Variants in ARHGAP26 observed in about 807,000 individuals in gnomAD.
ARHGAP26 encodes Rho GTPase activating protein 26, also known as rho GTPase-activating protein 26.
In ARHGAP26, 38 loss-of-function variants were observed where a neutral mutation model predicts 104.8. That is an observed-to-expected ratio of 0.36 (90% CI 0.28 to 0.48). The LOEUF (loss-of-function observed/expected upper bound fraction) is 0.48, where lower values mean the gene tolerates loss of function less well. Ranked by LOEUF, ARHGAP26 falls within the 20% of genes least tolerant of loss-of-function variation. ARHGAP26 has a pLI of 0.99. For missense variants in ARHGAP26, 704 were observed against 947.9 expected (o/e 0.74, Z 3.38); for synonymous variants, 341 against 340.0 (o/e 1.00, Z -0.03).
chr5:143,164,708 T>C (rs1413348658), intron 20 of ARHGAP26, among the ~76,000 whole-genome samples: 1 of 152,226 alleles, frequency 6.6e-6, no homozygotes, highest in Non-Finnish European at 1.5e-5. Context: ...AATTGGAGCA[T>C]AGAGAGCGCT....
intron 10 of ARHGAP26, chr5:142,919,150 A>G (rs926507322): frequency 2.5e-6 from 1 of 398,172 alleles, no homozygotes. Flanking sequence ...GAGATAATCA[A>G]GTTAAAATGA....
intron 20 of ARHGAP26, among the ~76,000 whole-genome samples, chr5:143,171,165 C>T (rs964581745): frequency 3.3e-5 from 5 of 152,172 alleles, no homozygotes; most frequent in African/African-American, 4.8e-5. Flanking sequence ...AGGCACTAGC[C>T]TAGGGCTTTT....
At chr5:143,102,129 G>C (rs76071293) in intron 17 of ARHGAP26, among the ~76,000 whole-genome samples, 1,585 of 152,274 alleles carry the variant, frequency 0.01, 31 homozygotes, top group East Asian at 0.086. Flanking sequence ...GATATAGACA[G>C]CAGGACCGTG....
chr5:143,191,379 C>G (rs905430297), intron 20 of ARHGAP26, among the ~76,000 whole-genome samples: 1 of 152,032 alleles, frequency 6.6e-6, no homozygotes, highest in Non-Finnish European at 1.5e-5. Context: ...ATTGGCTCTT[C>G]CAAATAATTA....
chr5:142,983,856 A>G (rs1450809058), intron 11 of ARHGAP26, among the ~76,000 whole-genome samples: 1 of 152,214 alleles, frequency 6.6e-6, no homozygotes, highest in Non-Finnish European at 1.5e-5. Context: ...CTTTCCAGGT[A>G]TTGTACTTTA....
intron 11 of ARHGAP26, among the ~76,000 whole-genome samples, chr5:142,992,348 A>G (rs1167514644): frequency 1.3e-5 from 2 of 152,128 alleles, no homozygotes; most frequent in African/African-American, 4.8e-5. Context: ...ACTATTGAAT[A>G]ATTAACTATT....
chr5:142,903,288 G>A lies in ARHGAP26; in HGVS notation c.703-252G>A, dbSNP rs140644087. 2.1e-4 allele frequency among the ~76,000 whole-genome samples: 32 copies of A among 152,288 alleles called. No homozygotes were observed. In the East Asian group the frequency reaches 5.6e-3, roughly 27 times the overall value. On this transcript the variant is annotated intron_variant, in intron 7 of 22. Coordinates refer to ENST00000645722, the MANE Select transcript of ARHGAP26 (RefSeq NM_001135608.3). ...TCCAGAGGTGCTGAATTGATCTGTA[G>A]GAGTGAGGGCTGGGCATTTGCATTT...
intron 1 of ARHGAP26, among the ~76,000 whole-genome samples, chr5:142,787,741 A>T (rs952828316): frequency 2.0e-5 from 3 of 152,242 alleles, no homozygotes; most frequent in African/African-American, 7.2e-5. Context: ...ATTAGAGAAA[A>T]TTTAGAAATT....
intron 18 of ARHGAP26, among the ~76,000 whole-genome samples, chr5:143,127,797 T>A (rs767252953): frequency 1.3e-5 from 2 of 152,242 alleles, no homozygotes; most frequent in South Asian, 4.1e-4. Context: ...GTTTGGCAAC[T>A]GACAGGTGTT....
chr5:143,014,324 GTA>G, intron 12 of ARHGAP26: 1 of 605,440 alleles, frequency 1.7e-6, no homozygotes, highest in South Asian at 2.0e-5. Flanking sequence ...AGGCTGTAGT[GTA>G]GTGACACCTT....
intron 17 of ARHGAP26, among the ~76,000 whole-genome samples, chr5:143,069,385 C>G (rs1787943044): frequency 6.6e-6 from 1 of 152,004 alleles, no homozygotes; most frequent in African/African-American, 2.4e-5. Context: ...TGGAAAATAT[C>G]CAGGTAACTC....
chr5:142,970,350 C>G (rs1230256197), intron 11 of ARHGAP26, among the ~76,000 whole-genome samples: 1 of 152,028 alleles, frequency 6.6e-6, no homozygotes, highest in Non-Finnish European at 1.5e-5. Flanking sequence ...GAAACTGGCT[C>G]AAGGAAAAAA....
intron 11 of ARHGAP26, among the ~76,000 whole-genome samples, chr5:142,942,969 C>T (rs1035216908): frequency 5.9e-5 from 9 of 152,272 alleles, no homozygotes; most frequent in South Asian, 2.1e-4. Context: ...TTAGGAGAGA[C>T]GAGGTTTCAA....
At chr5:143,123,731 G>A (rs1197597476) in intron 18 of ARHGAP26, among the ~76,000 whole-genome samples, 4 of 152,090 alleles carry the variant, frequency 2.6e-5, no homozygotes, top group Non-Finnish European at 4.4e-5. Context: ...GGTGGCACAT[G>A]CCTAAAGCCC....
chr5:143,121,335 G>A (rs377357646), intron 18 of ARHGAP26, among the ~76,000 whole-genome samples, 188 bp downstream of exon 18: 4 of 152,184 alleles, frequency 2.6e-5, no homozygotes, highest in Admixed American at 2.6e-4. Context: ...TGTCAACCGT[G>A]GTAGTTACAA....
chr5:142,913,385 C>A (rs980251658), intron 10 of ARHGAP26, 92 bp downstream of exon 10: 6 of 1,071,352 alleles, frequency 5.6e-6, no homozygotes, highest in Non-Finnish European at 8.5e-6. Flanking sequence ...CTGCTTTTTT[C>A]CCCTTCTCCC....
intron 14 of ARHGAP26, among the ~76,000 whole-genome samples, chr5:143,043,546 T>C (rs1202673874): frequency 2.6e-5 from 4 of 152,218 alleles, no homozygotes; most frequent in African/African-American, 7.2e-5. Flanking sequence ...TTTGTTCCTC[T>C]GGGATAAATG....
chr5:143,202,338 C>T (rs1807875689), intron 20 of ARHGAP26: 1 of 151,706 alleles, frequency 6.6e-6, no homozygotes, highest in South Asian at 2.1e-4. Flanking sequence ...AATAAAATAC[C>T]TAGGAATACA....
intron 20 of ARHGAP26, among the ~76,000 whole-genome samples, chr5:143,153,684 A>C (rs1450085563): frequency 6.6e-6 from 1 of 152,220 alleles, no homozygotes; most frequent in Non-Finnish European, 1.5e-5. Context: ...ATGGAACCCA[A>C]CCTTGGAGTT....
Sources: gnomAD v4.1 joint callset for allele counts (sites outside exome capture counted in the v4.1 genomes callset) on GRCh38, gnomAD v4.1.1 for gene constraint, MANE v1.5 for transcripts, NCBI Gene and HGNC (gene_info 2026-07-23, HGNC 2026-07-21) for gene names.